The following FAM13C variants were observed in gnomAD, a reference collection of about 807,000 sequenced individuals.
FAM13C encodes protein FAM13C.
Under a neutral mutation model 73.2 loss-of-function variants are expected in FAM13C, and 37 were observed. The observed-to-expected ratio is 0.51, with a 90% CI of 0.39 to 0.67. The LOEUF (loss-of-function observed/expected upper bound fraction) is 0.67. Ranked by LOEUF, FAM13C falls within the 30% of genes least tolerant of loss-of-function variation. The pLI, the probability that FAM13C is intolerant of heterozygous loss-of-function variation, is 0.00. For synonymous variants in FAM13C, 246 were observed against 260.9 expected (o/e 0.94, Z 0.55); for missense variants, 589 against 715.6 (o/e 0.82, Z 2.02).
At chr10:59,331,824 A>T (rs1255035573) in intron 3 of FAM13C, among the ~76,000 whole-genome samples, 1 of 152,224 alleles carries the variant, frequency 6.6e-6, no homozygotes, top group African/African-American at 2.4e-5. Context: ...TGAATGAAAA[A>T]GAAGGACAGA....
chr10:59,355,302 G>A (rs1855566360), intron 2 of FAM13C, among the ~76,000 whole-genome samples: 2 of 152,170 alleles, frequency 1.3e-5, no homozygotes, highest in South Asian at 4.1e-4. Flanking sequence ...TATCCAGTAA[G>A]TGGACTTTAA....
chr10:59,248,844 T>G (rs1828734955), intron 13 of FAM13C, among the ~76,000 whole-genome samples: 2 of 152,202 alleles, frequency 1.3e-5, no homozygotes, highest in Admixed American at 6.5e-5. Flanking sequence ...TCAACACTAT[T>G]TATTGCCCTG....
At chr10:59,248,385 A>G (rs1840936252) in intron 13 of FAM13C, among the ~76,000 whole-genome samples, 1 of 152,200 alleles carries the variant, frequency 6.6e-6, no homozygotes, top group Admixed American at 6.5e-5. Flanking sequence ...ACATGTAACA[A>G]TGCATAGATT....
chr10:59,360,483 A>G (rs529670631), intron 1 of FAM13C, among the ~76,000 whole-genome samples: 41 of 152,226 alleles, frequency 2.7e-4, no homozygotes, highest in African/African-American at 9.1e-4. Context: ...TTTCCTGAGA[A>G]CCTGCTATGT....
intron 5 of FAM13C, among the ~76,000 whole-genome samples, chr10:59,297,744 A>C (rs114761523): frequency 0.012 from 1,757 of 151,566 alleles, 28 homozygotes; most frequent in African/African-American, 0.04. Context: ...TATCTCATTC[A>C]CTCCCTGCAA....
chr10:59,343,963 T>G lies in FAM13C; in HGVS notation c.324+8307A>C, dbSNP rs534588236. On this transcript the variant is annotated intron_variant, in intron 3 of 13. Coordinates refer to ENST00000618804, the MANE Select transcript of FAM13C (RefSeq NM_198215.4). ...ATAAACTATTTCTTTTTTTTTTTCTTTTTTCTTTTTTTTTTTGAGATGGAG... is the reference window on the plus strand; with the variant it reads ...ATAAACTATTTCTTTTTTTTTTTCTGTTTTCTTTTTTTTTTTGAGATGGAG... Among the ~76,000 whole-genome samples the G allele has an allele frequency of 3.4e-5, 5 of 147,030 alleles. No homozygotes were observed. The South Asian group carries it at 8.8e-4, about 26-fold the overall frequency.
At chr10:59,329,938 G>T (rs557891447) in intron 3 of FAM13C, among the ~76,000 whole-genome samples, 1 of 152,166 alleles carries the variant, frequency 6.6e-6, no homozygotes, top group South Asian at 2.1e-4. Flanking sequence ...AGGCCAGAAA[G>T]ATTGCCTTTT....
chr10:59,313,338 C>G (rs1362806935), intron 4 of FAM13C, among the ~76,000 whole-genome samples: 2 of 152,088 alleles, frequency 1.3e-5, no homozygotes, highest in East Asian at 1.9e-4. Flanking sequence ...CAGAGAATAC[C>G]AACTACATTA....
At position 59,246,965 on chromosome 10, in the gene FAM13C, A is replaced by G. The variant is rs1477834008; in HGVS notation, c.*649T>C. The G allele has an allele frequency of 1.8e-5, 4 of 223,364 alleles. No homozygotes were observed. In the East Asian group the frequency reaches 3.5e-4, roughly 19 times the overall value. 13.8% of individuals were successfully genotyped at this position (223,364 alleles called of 1,614,324 possible). A position where few individuals can be genotyped will look rare whatever the true frequency, so the allele number is the denominator to read the frequency against. Reference sequence around the variant, plus strand: ...GATAATAATTCACAAAGTACATGCTATCAGAATGAACTTTGGTAACCAGAA... The same window carrying G: ...GATAATAATTCACAAAGTACATGCTGTCAGAATGAACTTTGGTAACCAGAA... On this transcript the variant is annotated 3_prime_UTR_variant, in exon 14 of 14. Coordinates refer to ENST00000618804, the MANE Select transcript of FAM13C (RefSeq NM_198215.4).
chr10:59,306,547 A>T (rs1848275832), intron 4 of FAM13C, among the ~76,000 whole-genome samples: 1 of 152,100 alleles, frequency 6.6e-6, no homozygotes, highest in African/African-American at 2.4e-5. Context: ...CCACTTCAGC[A>T]AATCAAGCAT....
At chr10:59,301,625 G>T (rs1847613274) in intron 5 of FAM13C, among the ~76,000 whole-genome samples, 1 of 152,178 alleles carries the variant, frequency 6.6e-6, no homozygotes, top group African/African-American at 2.4e-5. Flanking sequence ...AGTCACTTAT[G>T]TCAAAACAAA....
intron 10 of FAM13C, among the ~76,000 whole-genome samples, chr10:59,259,707 A>C (rs1465436999): frequency 6.6e-6 from 1 of 152,210 alleles, no homozygotes; most frequent in Non-Finnish European, 1.5e-5. Flanking sequence ...TATTAAACAA[A>C]ATAATAGATA....
At chr10:59,338,860 C>T (rs1289993471) in intron 3 of FAM13C, among the ~76,000 whole-genome samples, 1 of 152,224 alleles carries the variant, frequency 6.6e-6, no homozygotes, top group Non-Finnish European at 1.5e-5. Flanking sequence ...CTTCAGGAAG[C>T]CCCTTCTTGT....
chr10:59,334,251 T>C (rs1327709730), intron 3 of FAM13C, among the ~76,000 whole-genome samples: 3 of 152,158 alleles, frequency 2.0e-5, no homozygotes, highest in Non-Finnish European at 4.4e-5. Flanking sequence ...TATCTCAAAC[T>C]AAAAACAAAT....
intron 3 of FAM13C, among the ~76,000 whole-genome samples, chr10:59,324,484 A>G (rs879873023): frequency 1.3e-5 from 2 of 152,064 alleles, no homozygotes; most frequent in Admixed American, 1.3e-4. Context: ...AAGAATAAAC[A>G]TATGTATGAA....
At chr10:59,336,110 A>G (rs1852688649) in intron 3 of FAM13C, among the ~76,000 whole-genome samples, 1 of 152,214 alleles carries the variant, frequency 6.6e-6, no homozygotes. Flanking sequence ...AATAACTTAA[A>G]TGGTTGGAAA....
intron 5 of FAM13C, chr10:59,296,826 C>A (rs985033291): frequency 6.6e-6 from 1 of 152,170 alleles, no homozygotes; most frequent in Non-Finnish European, 1.5e-5. Flanking sequence ...AGGACACACA[C>A]AAATCTGGAA....
At chr10:59,345,911 G>A (rs549143828) in intron 3 of FAM13C, among the ~76,000 whole-genome samples, 2 of 152,264 alleles carry the variant, frequency 1.3e-5, no homozygotes, top group East Asian at 3.9e-4. Context: ...CAAAACAATT[G>A]TCTAACTAAG....
intron 8 of FAM13C, among the ~76,000 whole-genome samples, chr10:59,266,227 C>T (rs1181202361): frequency 4.6e-5 from 7 of 152,256 alleles, no homozygotes; most frequent in South Asian, 2.1e-4. Flanking sequence ...TGAAGGTAGA[C>T]GTGTGGCTGA....
Sources: gnomAD v4.1 joint callset for allele counts (sites outside exome capture counted in the v4.1 genomes callset) on GRCh38, gnomAD v4.1.1 for gene constraint, MANE v1.5 for transcripts, NCBI Gene and HGNC (gene_info 2026-07-23, HGNC 2026-07-21) for gene names.